Variants in IMMP2L observed in about 807,000 individuals in gnomAD.
IMMP2L encodes inner mitochondrial membrane peptidase subunit 2.
IMMP2L carries 18 observed loss-of-function variants against 19.3 expected under a neutral mutation model. The ratio of observed to expected loss-of-function variants is 0.93; its 90% CI spans 0.64 to 1.38. IMMP2L has a LOEUF of 1.38. IMMP2L is among the 40% of genes most tolerant of loss of function. The pLI is 0.00. For synonymous variants in IMMP2L, 76 were observed against 73.0 expected (o/e 1.04, Z -0.21); for missense variants, 233 against 218.2 (o/e 1.07, Z -0.43).
intron 5 of IMMP2L, among the ~76,000 whole-genome samples, chr7:110,682,730 T>C (rs572699950): frequency 7.2e-5 from 11 of 152,170 alleles, no homozygotes; most frequent in South Asian, 2.1e-4. Flanking sequence ...TTGCATGTGG[T>C]TGAAAATTCT....
intron 3 of IMMP2L, among the ~76,000 whole-genome samples, chr7:111,420,865 A>G (rs1351139027): frequency 6.6e-6 from 1 of 151,796 alleles, no homozygotes; most frequent in Admixed American, 6.6e-5. Context: ...TGCAATAAAC[A>G]TACGTGTGCA....
At chr7:111,431,560 T>G (rs1274844527) in intron 3 of IMMP2L, among the ~76,000 whole-genome samples, 1 of 151,854 alleles carries the variant, frequency 6.6e-6, no homozygotes, top group African/African-American at 2.4e-5. Flanking sequence ...ATTATATAAT[T>G]TTTTAAGTCT....
intron 2 of IMMP2L, 27 bp from the exon 3 acceptor site, chr7:111,487,368 T>A: frequency 7.8e-7 from 1 of 1,284,680 alleles, no homozygotes; most frequent in Non-Finnish European, 1.1e-6. Flanking sequence ...AAGAGACACT[T>A]CTATCATTTG....
intron 3 of IMMP2L, among the ~76,000 whole-genome samples, chr7:111,024,368 C>T (rs1771193549): frequency 6.6e-6 from 1 of 152,166 alleles, no homozygotes; most frequent in African/African-American, 2.4e-5. Context: ...CTAGAGGAGG[C>T]TCTCTGGGCA....
intron 2 of IMMP2L, among the ~76,000 whole-genome samples, chr7:111,520,896 C>T (rs1036777415): frequency 2.0e-5 from 3 of 152,114 alleles, no homozygotes; most frequent in Non-Finnish European, 2.9e-5. Flanking sequence ...ATGGTCTAGA[C>T]ATTTCTACAA....
At chr7:110,672,612 C>T (rs1470295925) in intron 5 of IMMP2L, among the ~76,000 whole-genome samples, 1 of 152,162 alleles carries the variant, frequency 6.6e-6, no homozygotes, top group African/African-American at 2.4e-5. Context: ...TAGTTACGTC[C>T]TAGATGCAAT....
intron 5 of IMMP2L, among the ~76,000 whole-genome samples, chr7:110,823,994 C>G (rs1359639430): frequency 6.6e-6 from 1 of 152,042 alleles, no homozygotes; most frequent in Non-Finnish European, 1.5e-5. Context: ...CTGATGGGAT[C>G]ACACTAACAC....
At chr7:111,522,865 C>T (rs913985921) in intron 1 of IMMP2L, among the ~76,000 whole-genome samples, 2 of 148,366 alleles carry the variant, frequency 1.3e-5, no homozygotes, top group African/African-American at 5.1e-5. Flanking sequence ...TCACAATAGC[C>T]AAGGTATGGA....
chr7:110,932,704 A>G (rs1386050508), intron 4 of IMMP2L, among the ~76,000 whole-genome samples: 1 of 152,064 alleles, frequency 6.6e-6, no homozygotes, highest in African/African-American at 2.4e-5. Flanking sequence ...AATATTTGAT[A>G]TTTTTGCCTT....
chr7:111,332,115 A>G (rs763487677), intron 3 of IMMP2L, among the ~76,000 whole-genome samples: 17 of 152,064 alleles, frequency 1.1e-4, no homozygotes, highest in Non-Finnish European at 2.5e-4. Context: ...AAGAATATCA[A>G]TAACAGCCGA....
At chr7:111,250,000 G>C (rs1360169814) in intron 3 of IMMP2L, among the ~76,000 whole-genome samples, 1 of 152,120 alleles carries the variant, frequency 6.6e-6, no homozygotes, top group Admixed American at 6.5e-5. Flanking sequence ...CCTGTATCTA[G>C]AAAACCCCAC....
chr7:111,316,845 C>CTTTTTTTTTT (rs869155077), intron 3 of IMMP2L, among the ~76,000 whole-genome samples: 1,211 of 75,840 alleles, frequency 0.016, no homozygotes, highest in Non-Finnish European at 0.02. Context: ...TTTTTTTTTT[C>CTTTTTTTTTT]TTTTTTTTTT....
At chr7:111,485,546 C>T (rs1467834282) in intron 3 of IMMP2L, among the ~76,000 whole-genome samples, 2 of 118,736 alleles carry the variant, frequency 1.7e-5, no homozygotes, top group Admixed American at 1.3e-4. Context: ...TGCAGTGAGC[C>T]GAGATCCCGC....
At chr7:111,358,468 T>C (rs1046840322) in intron 3 of IMMP2L, among the ~76,000 whole-genome samples, 2 of 152,050 alleles carry the variant, frequency 1.3e-5, no homozygotes, top group Non-Finnish European at 2.9e-5. Flanking sequence ...GTGATTATCT[T>C]GGCTTCTTCC....
intron 3 of IMMP2L, among the ~76,000 whole-genome samples, chr7:111,287,307 T>C (rs1474088807): frequency 6.6e-6 from 1 of 152,150 alleles, no homozygotes. Flanking sequence ...TAAACGTACA[T>C]ATTCCTGCTT....
chr7:110,806,721 T>C (rs1801662766), intron 5 of IMMP2L, among the ~76,000 whole-genome samples: 1 of 151,992 alleles, frequency 6.6e-6, no homozygotes, highest in Non-Finnish European at 1.5e-5. Context: ...GGTCAACTTC[T>C]CAATTTAGAA....
In IMMP2L at chr7:110,832,852, C is replaced by T. The variant is rs545997229; in HGVS notation, c.408+53741G>A. On this transcript the variant is annotated intron_variant, in intron 5 of 5. Coordinates refer to ENST00000405709, the MANE Select transcript of IMMP2L (RefSeq NM_032549.4). ...AACATATAGAAATAGACACAGAAGT[C>T]GTGATGAGTTTTTCTAATTCTGAGA... 5.3e-5 allele frequency among the ~76,000 whole-genome samples: 8 copies of T among 152,160 alleles called. No individual in the cohort carries two copies. The South Asian group carries it at 1.5e-3, about 28-fold the overall frequency.
chr7:111,010,926 CCA>C (rs1824876060), intron 3 of IMMP2L, among the ~76,000 whole-genome samples: 1 of 143,260 alleles, frequency 7.0e-6, no homozygotes, highest in South Asian at 2.2e-4. Context: ...CTTAATGAGG[CCA>C]TCAGAGCTGG....
intron 3 of IMMP2L, among the ~76,000 whole-genome samples, chr7:111,188,763 T>C (rs1161641703): frequency 1.3e-5 from 2 of 151,960 alleles, no homozygotes; most frequent in African/African-American, 4.8e-5. Flanking sequence ...ACCCAGAGAG[T>C]GGCCACTTGA....
Sources: allele counts gnomAD v4.1 joint callset (sites outside exome capture counted in the v4.1 genomes callset), GRCh38; gene constraint gnomAD v4.1.1; transcripts MANE v1.5; gene names NCBI Gene and HGNC (gene_info 2026-07-23, HGNC 2026-07-21).